CSMD3: variants seen among roughly 807,000 people sequenced by gnomAD.
CSMD3 encodes the protein CUB and sushi domain-containing protein 3.
Under a neutral mutation model 435.2 loss-of-function variants are expected in CSMD3, and 177 were observed. The ratio of observed to expected loss-of-function variants is 0.41; its 90% CI spans 0.36 to 0.46. The LOEUF (loss-of-function observed/expected upper bound fraction) is 0.46. Among genes scored for constraint, CSMD3 ranks in the 20% least tolerant of loss-of-function variants. CSMD3 has a pLI of 0.34. For missense variants in CSMD3, 4,265 were observed against 4,504.6 expected, an observed-to-expected ratio of 0.95 and a Z score of 1.52; for synonymous variants, 1,656 against 1,520.5, an observed-to-expected ratio of 1.09 and a Z score of -2.07.
At chr8:113,208,927 T>G (rs2092801736) in intron 3 of CSMD3, among the ~76,000 whole-genome samples, 1 of 152,154 alleles carries the variant, frequency 6.6e-6, no homozygotes, top group Non-Finnish European at 1.5e-5. Context: ...TTTTTTCATT[T>G]TCTAAATTAA....
chr8:113,070,032 C>G (rs2089038338), intron 5 of CSMD3, among the ~76,000 whole-genome samples: 1 of 152,026 alleles, frequency 6.6e-6, no homozygotes, highest in South Asian at 2.1e-4. Context: ...CACTCCATTC[C>G]CTAGACCCTG....
intron 3 of CSMD3, among the ~76,000 whole-genome samples, chr8:113,229,509 A>T (rs1306354663): frequency 6.6e-6 from 1 of 151,482 alleles, no homozygotes; most frequent in Non-Finnish European, 1.5e-5. Flanking sequence ...AATTATATTC[A>T]GTACTTGGTA....
At chr8:112,809,407 G>T (rs902492603) in intron 12 of CSMD3, among the ~76,000 whole-genome samples, 3 of 152,126 alleles carry the variant, frequency 2.0e-5, no homozygotes, top group African/African-American at 7.2e-5. Context: ...CACCTCAGAA[G>T]AATTTGACAA....
intron 3 of CSMD3, among the ~76,000 whole-genome samples, chr8:113,248,362 T>C (rs993420790): frequency 2.0e-5 from 3 of 150,264 alleles, no homozygotes; most frequent in Admixed American, 1.3e-4. Context: ...ATATAACACA[T>C]ACAATAGAGA....
intron 11 of CSMD3, among the ~76,000 whole-genome samples, chr8:112,831,018 G>C (rs1005527955): frequency 6.6e-6 from 1 of 151,740 alleles, no homozygotes; most frequent in Admixed American, 6.6e-5. Context: ...CAATCTCCTG[G>C]CCTCGTGATC....
At chr8:113,009,812 T>C (rs1261215845) in intron 6 of CSMD3, among the ~76,000 whole-genome samples, 4 of 151,794 alleles carry the variant, frequency 2.6e-5, no homozygotes, top group African/African-American at 7.2e-5. Flanking sequence ...CCTCAAGCTG[T>C]TTTATAACTA....
At chr8:112,822,682 G>C (rs1410954111) in intron 12 of CSMD3, among the ~76,000 whole-genome samples, 1 of 151,978 alleles carries the variant, frequency 6.6e-6, no homozygotes, top group Non-Finnish European at 1.5e-5. Flanking sequence ...TGTTGAATAG[G>C]AGCGGTGAGA....
intron 4 of CSMD3, among the ~76,000 whole-genome samples, chr8:113,105,991 T>C (rs765062863): frequency 5.3e-5 from 8 of 151,650 alleles, no homozygotes; most frequent in Non-Finnish European, 1.2e-4. Context: ...AATTAGAAAA[T>C]AAGGACTTTA....
At chr8:113,088,126 C>G (rs1053142539) in intron 5 of CSMD3, among the ~76,000 whole-genome samples, 7 of 150,268 alleles carry the variant, frequency 4.7e-5, no homozygotes, top group Admixed American at 4.6e-4. Context: ...CCATCACTGG[C>G]CATCAGAGAA....
intron 24 of CSMD3, among the ~76,000 whole-genome samples, chr8:112,562,840 T>A (rs1473185903): frequency 6.6e-6 from 1 of 151,730 alleles, no homozygotes; most frequent in Non-Finnish European, 1.5e-5. Context: ...AACTTCATTA[T>A]ATCAACTTTT....
At chr8:112,651,529 A>T (rs530261097) in intron 18 of CSMD3, among the ~76,000 whole-genome samples, 1 of 151,446 alleles carries the variant, frequency 6.6e-6, no homozygotes, top group Non-Finnish European at 1.5e-5. Context: ...TATTTTTCTA[A>T]GCACCCAGTG....
At chr8:112,408,827 A>ATC in intron 33 of CSMD3, 92 bp downstream of exon 33, 4 of 1,596,830 alleles carry the variant, frequency 2.5e-6, no homozygotes, top group Non-Finnish European at 3.4e-6. Flanking sequence ...TATTTCTTAT[A>ATC]TTGATGATAT....
chr8:113,236,587 T>C (rs1201545159), intron 3 of CSMD3, among the ~76,000 whole-genome samples: 1 of 152,028 alleles, frequency 6.6e-6, no homozygotes, highest in Non-Finnish European at 1.5e-5. Flanking sequence ...AACTCCAGTC[T>C]CTTCAGTCTT....
At chr8:112,548,491 G>A (rs907933331) in intron 27 of CSMD3, among the ~76,000 whole-genome samples, 3 of 152,060 alleles carry the variant, frequency 2.0e-5, no homozygotes, top group Non-Finnish European at 4.4e-5. Context: ...TCAGACATGT[G>A]AGTTTCAGTT....
intron 32 of CSMD3, among the ~76,000 whole-genome samples, chr8:112,447,521 C>A (rs1563545848): frequency 6.6e-6 from 1 of 152,086 alleles, no homozygotes; most frequent in Non-Finnish European, 1.5e-5. Flanking sequence ...TAGATTTTGG[C>A]TCTATGATGA....
chr8:113,080,668 C>A (rs966889582), intron 5 of CSMD3, among the ~76,000 whole-genome samples: 1 of 152,110 alleles, frequency 6.6e-6, no homozygotes, highest in Non-Finnish European at 1.5e-5. Flanking sequence ...AGCACAGAGT[C>A]AGTGAAAAAT....
At chr8:112,979,225 G>T (rs1316345928) in intron 6 of CSMD3, among the ~76,000 whole-genome samples, 1 of 151,550 alleles carries the variant, frequency 6.6e-6, no homozygotes, top group Non-Finnish European at 1.5e-5. Flanking sequence ...AATTAAAAGG[G>T]GATATATGTC....
At chr8:112,245,640 C>T (rs12680847) in intron 64 of CSMD3, among the ~76,000 whole-genome samples, 64,572 of 151,830 alleles carry the variant, frequency 0.43, 15,710 homozygotes, top group African/African-American at 0.68. Context: ...GGGGTTCAAG[C>T]GATTCTCCTG....
intron 9 of CSMD3, among the ~76,000 whole-genome samples, chr8:112,922,132 C>T (rs1424483063): frequency 6.6e-6 from 1 of 152,046 alleles, no homozygotes; most frequent in South Asian, 2.1e-4. Flanking sequence ...TATGCATTTA[C>T]ACATGCATTT....
Sources: allele counts gnomAD v4.1 joint callset (sites outside exome capture counted in the v4.1 genomes callset), GRCh38; gene constraint gnomAD v4.1.1; transcripts MANE v1.5; gene names NCBI Gene and HGNC (gene_info 2026-07-23, HGNC 2026-07-21).